The following KIFC3 variants were observed in gnomAD, a reference collection of about 807,000 sequenced individuals.
KIFC3 encodes kinesin-like protein KIFC3.
A neutral mutation model predicts 101.8 loss-of-function variants in KIFC3; 60 were observed. That is an observed-to-expected ratio of 0.59 (90% CI 0.48 to 0.73). The LOEUF is 0.73. Among genes scored for constraint, KIFC3 ranks in the 30% least tolerant of loss-of-function variants. The probability of loss-of-function intolerance (pLI) is 0.00; values close to 1 mark genes in which losing one functional copy is unlikely to be tolerated. For synonymous variants in KIFC3, 476 were observed against 482.7 expected (o/e 0.99, Z 0.18); for missense variants, 966 against 1,137.1 (o/e 0.85, Z 2.16).
At chr16:57,843,119 G>A (rs1385929479) in intron 1 of KIFC3, among the ~76,000 whole-genome samples, 2 of 152,022 alleles carry the variant, frequency 1.3e-5, no homozygotes, top group African/African-American at 2.4e-5. Flanking sequence ...GGCAATAAGA[G>A]TGAAATTCTG....
chr16:57,779,714 G>A lies in KIFC3; in HGVS notation c.316-7426C>T, dbSNP rs935002111. On this transcript the variant is annotated intron_variant, in intron 3 of 19. Transcript: ENST00000445690. ...CTGTAGTCCCAGCTATGCGGGAGCC[G>A]GAGACAGGAGAATCACTTGAACCCA... Among the ~76,000 whole-genome samples the A allele has an allele frequency of 3.3e-5, 5 of 152,008 alleles. No homozygotes were observed. The East Asian group carries it at 5.8e-4, about 18-fold the overall frequency.
At chr16:57,767,013 G>A (rs1244204217) in intron 9 of KIFC3, 28 bp from the exon 10 acceptor site, 3 of 1,582,746 alleles carry the variant, frequency 1.9e-6, no homozygotes, top group African/African-American at 2.7e-5. Flanking sequence ...CCACTGTCAG[G>A]GGGACGGCTC....
intron 3 of KIFC3, among the ~76,000 whole-genome samples, chr16:57,778,279 CA>C (rs1334239107): frequency 1.8e-4 from 27 of 152,018 alleles, no homozygotes; most frequent in African/African-American, 4.1e-4. Context: ...GATCTTGTGT[CA>C]AAACAAAAAA....
chr16:57,832,169 C>T (rs1173667453), intron 1 of KIFC3, among the ~76,000 whole-genome samples: 1 of 151,124 alleles, frequency 6.6e-6, no homozygotes, highest in African/African-American at 2.4e-5. Flanking sequence ...TACAGGAATG[C>T]ACCACCATGC....
chr16:57,802,824 G>T, upstream of KIFC3: 1 of 844,710 alleles, frequency 1.2e-6, no homozygotes, highest in Non-Finnish European at 1.9e-6. The surrounding 1 kb of genome is among the most constrained non-coding windows in gnomAD (Gnocchi z 5.0). Context: ...CACACCTGGT[G>T]AGCCATGCGT....
intron 1 of KIFC3, chr16:57,813,685 C>T (rs965254881): frequency 3.0e-5 from 30 of 985,094 alleles, no homozygotes; most frequent in Admixed American, 1.2e-4. Flanking sequence ...TGGCATCCTG[C>T]GTGTGTCCAG....
At chr16:57,816,793 G>A in intron 1 of KIFC3, 1 of 453,534 alleles carries the variant, frequency 2.2e-6, no homozygotes, top group Non-Finnish European at 4.4e-6. Flanking sequence ...GAGCTCATGG[G>A]AAACCAAGAC....
Position 57,761,025 on chromosome 16 carries a change from C to G in KIFC3, c.2002+17G>C, listed in dbSNP as rs532418736. ...GGGTTGTGGGGATCCTCAGGCCAGG[C>G]TGCCTGCCACTCTCACCCGTGGTGC... On this transcript the variant is annotated intron_variant, in intron 15 of 19. Coordinates refer to ENST00000445690, the MANE Select transcript of KIFC3 (RefSeq NM_001130100.2). The G allele has an allele frequency of 1.2e-6, 2 of 1,603,868 alleles. No individual in the cohort carries two copies. The highest frequency in any genetic ancestry group is 1.7e-5 in the Admixed American group (1 of 59,820).
At chr16:57,775,159 A>G (rs2149017726) in intron 3 of KIFC3, 1 of 1,344,288 alleles carries the variant, frequency 7.4e-7, no homozygotes, top group East Asian at 3.0e-5. Context: ...GGCTCTGTCC[A>G]GAATCTCAGA....
intron 3 of KIFC3, chr16:57,781,854 C>G: frequency 1.2e-6 from 1 of 854,142 alleles, no homozygotes; most frequent in Non-Finnish European, 1.4e-6. Context: ...GTCACCTGAC[C>G]AGTAAGTGGT....
chr16:57,765,682 A>AAGACCAGTCTCCATTCTGGTCCACTG (rs782459062), intron 10 of KIFC3, 42 bp from the exon 11 acceptor site: 1 of 1,556,906 alleles, frequency 6.4e-7, no homozygotes. Flanking sequence ...AGGCCATGTC[A>AAGACCAGTCTCCATTCTGGTCCACTG]AGACCAGTCT....
At chr16:57,772,710 C>G (rs1014486375) in intron 3 of KIFC3, among the ~76,000 whole-genome samples, 2 of 152,168 alleles carry the variant, frequency 1.3e-5, no homozygotes, top group African/African-American at 4.8e-5. Context: ...GGTACATACT[C>G]CAGGTCCTCC....
intron 1 of KIFC3, chr16:57,813,605 C>T (rs1031664415): frequency 5.8e-6 from 5 of 863,976 alleles, no homozygotes; most frequent in Admixed American, 6.2e-5. Flanking sequence ...TGGGGTCAAA[C>T]CTGCATGCCT....
At chr16:57,785,780 G>T (rs2053258587) in intron 3 of KIFC3, 2 of 515,848 alleles carry the variant, frequency 3.9e-6, no homozygotes, top group South Asian at 5.9e-5. Context: ...AAGCAGAGGG[G>T]GTGGGCAACC....
chr16:57,770,554 G>T lies in KIFC3; in HGVS notation c.912C>A (p.His304Gln). Residue 304 changes from histidine to glutamine, a missense_variant, in exon 7 of 20, where the codon CAC becomes CAA. By Grantham distance (24) the His-to-Gln change is conservative (BLOSUM62 0). Around this residue, in one of 2 missense-constraint regions of KIFC3, gnomAD observed 689 missense variants for 884.6 expected, o/e 0.78. Coordinates refer to ENST00000445690, the MANE Select transcript of KIFC3 (RefSeq NM_001130100.2). ...KEMEQQLQSS[H>Q]QLTARLRAQI... ...GCGCCCGGAGCCGCGCGGTCAGCTG[G>T]TGTGAGCTCTGCAGCTGCTGTTCCA... is the stretch of plus-strand genomic sequence containing the variant. 1 of 1,491,546 alleles carries T rather than the reference G, an allele frequency of 6.7e-7. No individual in the cohort carries two copies. The allele number at this position is 1,491,546 out of a possible 1,614,324, so 92.4% of individuals were successfully genotyped here. A position where few individuals can be genotyped will look rare whatever the true frequency, so the allele number is the denominator to read the frequency against.
At chr16:57,763,457 CCT>C (rs2050097763) in intron 12 of KIFC3, among the ~76,000 whole-genome samples, 1 of 152,120 alleles carries the variant, frequency 6.6e-6, no homozygotes, top group Non-Finnish European at 1.5e-5. Context: ...AGCCCCTTCC[CCT>C]GTCCAGACGC....
intron 1 of KIFC3, among the ~76,000 whole-genome samples, chr16:57,852,940 C>A (rs62041763): frequency 0.083 from 12,655 of 151,956 alleles, 518 homozygotes; most frequent in South Asian, 0.13. Flanking sequence ...GTATAGAAGA[C>A]ATAGAAATTT....
chr16:57,830,841 G>A (rs568365185), intron 1 of KIFC3, among the ~76,000 whole-genome samples: 122 of 152,260 alleles, frequency 8.0e-4, no homozygotes, highest in African/African-American at 2.7e-3. Flanking sequence ...ATTATGCCAT[G>A]GGCTTGCCTG....
chr16:57,850,945 CCCTCCTTCCTTCCTTCCTTCCTT>C (rs2056039631), intron 1 of KIFC3, among the ~76,000 whole-genome samples: 1 of 29,692 alleles, frequency 3.4e-5, no homozygotes, highest in African/African-American at 8.4e-5. Flanking sequence ...TTCCTTCCCT[CCCTCCTTCCTTCCTTCCTTCCTT>C]CCTTCCTTCC....
Sources: gnomAD v4.1 joint callset for allele counts (sites outside exome capture counted in the v4.1 genomes callset) on GRCh38, gnomAD v4.1.1 for gene constraint, gnomAD v4.1.1 regional missense constraint, Gnocchi (gnomAD v3.1) non-coding constraint, MANE v1.5 for transcripts, NCBI Gene and HGNC (gene_info 2026-07-23, HGNC 2026-07-21) for gene names.